Variants in RPS19BP1 observed in about 807,000 individuals in gnomAD.
RPS19BP1 encodes the protein active regulator of SIRT1.
RPS19BP1 carries 14 observed loss-of-function variants against 16.6 expected under a neutral mutation model. The observed-to-expected ratio is 0.84, with a 90% CI of 0.56 to 1.32. RPS19BP1 has a LOEUF of 1.32. Ranked by LOEUF, RPS19BP1 falls within the 40% of genes most tolerant of loss-of-function variation. RPS19BP1 has a pLI of 0.00. For missense variants in RPS19BP1, 188 were observed against 178.6 expected (o/e 1.05, Z -0.30); for synonymous variants, 90 against 77.3 (o/e 1.16, Z -0.86).
chr22:39,532,660 G>A, intron 1 of RPS19BP1, 27 bp downstream of exon 1: 1 of 1,564,784 alleles, frequency 6.4e-7, no homozygotes, highest in Non-Finnish European at 8.6e-7. Context: ...TGCCCGCGCC[G>A]GACGTCCCCT....
Position 39,529,314 on chromosome 22 carries a change from G to A in RPS19BP1, c.*178C>T. On this transcript the variant is annotated 3_prime_UTR_variant, in exon 4 of 4. Coordinates refer to ENST00000334678, the MANE Select transcript of RPS19BP1 (RefSeq NM_194326.4). ...CCGGTCTGTGTGTAAATCCTCCCCA[G>A]GACTTCCGGCCCACCAGCTCCATTC... 1 of 809,878 alleles carries A rather than the reference G, an allele frequency of 1.2e-6. No homozygotes were observed. Among genetic ancestry groups the A allele is most frequent in the Non-Finnish European group, 1.9e-6 (1 of 523,720 alleles). 50.2% of individuals were successfully genotyped at this position (809,878 alleles called of 1,614,324 possible).
intron 2 of RPS19BP1, chr22:39,531,614 CT>C (rs1363301226): frequency 6.6e-6 from 1 of 152,276 alleles, no homozygotes; most frequent in African/African-American, 2.4e-5. Context: ...TATTTTCCAC[CT>C]GCACAATTCT....
At chr22:39,530,125 T>C in intron 2 of RPS19BP1, 2 of 591,744 alleles carry the variant, frequency 3.4e-6, no homozygotes, top group Non-Finnish European at 6.0e-6. Flanking sequence ...CCAACAATTA[T>C]GTCCTGAATA....
Position 39,529,373 on chromosome 22 carries a change from CG to C in RPS19BP1, c.*118del. ...ACTCGGCTCAGCTCCGCGGCTTCCT[CG>C]AGCCAGGCTGGTCCTGCATCGCCAT... On this transcript the variant is annotated 3_prime_UTR_variant, in exon 4 of 4. Coordinates refer to ENST00000334678, the MANE Select transcript of RPS19BP1 (RefSeq NM_194326.4). The C allele has an allele frequency of 1.4e-6, 2 of 1,392,258 alleles. No homozygotes were observed. The highest frequency in any genetic ancestry group is 1.9e-6 in the Non-Finnish European group (2 of 1,026,458). The allele number at this position is 1,392,258 out of a possible 1,614,324, so 86.2% of individuals were successfully genotyped here.
At position 39,530,001 on chromosome 22, in the gene RPS19BP1, G is replaced by T. The variant is rs1377799000; in HGVS notation, c.182-84C>A. 3.6e-6 allele frequency: 4 copies of T among 1,117,674 alleles called. No homozygotes were observed. The East Asian group carries it at 9.6e-5, about 27-fold the overall frequency. The allele number at this position is 1,117,674 out of a possible 1,614,324, so 69.2% of individuals were successfully genotyped here. The stretch of plus-strand genomic sequence containing the variant: ...GTCCCTGGCCCATGGCCCTGCCAAA[G>T]ACCTCATCGTTCCCTTCCCAGGTTA... On this transcript the variant is annotated intron_variant, in intron 2 of 3. Transcript: ENST00000334678.
At chr22:39,532,185 C>G in intron 2 of RPS19BP1, 1 of 600,664 alleles carries the variant, frequency 1.7e-6, no homozygotes, top group Admixed American at 3.2e-5. Flanking sequence ...TTCTTTGATG[C>G]TTCTCTCCCC....
chr22:39,532,638 C>T, intron 1 of RPS19BP1, 49 bp downstream of exon 1: 1 of 1,587,660 alleles, frequency 6.3e-7, no homozygotes, highest in South Asian at 1.1e-5. Context: ...CCCGCAGCCA[C>T]TACCATCCTC....
rs377582766 is a variant in RPS19BP1 at position 39,529,476 on chromosome 22, G to C, written c.*16C>G. 1 of 1,613,816 alleles carries C rather than the reference G, an allele frequency of 6.2e-7. No homozygotes were observed. Among genetic ancestry groups the C allele is most frequent in the South Asian group, 1.1e-5 (1 of 91,010 alleles). ...TGCAGGGCTTGAAGGCCTCTTCACC[G>C]TGCCCTCCAGGGAGCCTAGCTGCCG... On this transcript the variant is annotated 3_prime_UTR_variant, in exon 4 of 4. Coordinates refer to ENST00000334678, the MANE Select transcript of RPS19BP1 (RefSeq NM_194326.4).
In RPS19BP1 at chr22:39,529,809, C is replaced by T; in HGVS notation, c.279+11G>A. 3.7e-6 allele frequency: 6 copies of T among 1,613,630 alleles called. No individual in the cohort carries two copies. The highest frequency in any genetic ancestry group is 2.2e-5 in the East Asian group (1 of 44,876). On this transcript the variant is annotated intron_variant, in intron 3 of 3. Coordinates refer to ENST00000334678, the MANE Select transcript of RPS19BP1 (RefSeq NM_194326.4). ...CCTCCCAGGTCCCTTCCTATAGTAC[C>T]CTCGACCAACCTGCTGGCTCACAGA...
chr22:39,531,827 G>A (rs191609283), intron 2 of RPS19BP1: 7 of 153,124 alleles, frequency 4.6e-5, no homozygotes, highest in African/African-American at 1.7e-4. Flanking sequence ...GATCAAACGA[G>A]CTTACATTTG....
rs568534669 is a variant in RPS19BP1 at position 39,532,224 on chromosome 22, A to AC, written c.181+170dup. 2.5e-5 allele frequency: 20 copies of AC among 810,388 alleles called. No individual in the cohort carries two copies. In the African/African-American group the frequency reaches 3.0e-4, roughly 12 times the overall value. The allele number at this position is 810,388 out of a possible 1,614,324, so 50.2% of individuals were successfully genotyped here. ...AGGGCCGTAGTCCACGAGGACCAGG[A>AC]CGGTGGCGTGTTCTGTCACCTTCGT... On this transcript the variant is annotated intron_variant, in intron 2 of 3. Transcript: ENST00000334678.
At chr22:39,532,292 G>A (rs1931331588) in intron 2 of RPS19BP1, 103 bp downstream of exon 2, 2 of 1,537,088 alleles carry the variant, frequency 1.3e-6, no homozygotes, top group African/African-American at 1.4e-5. Flanking sequence ...AGTAGGTCTA[G>A]CAATACCGGG....
rs905729935 is a variant in RPS19BP1, at chr22:39,532,513, G to A, written c.63C>T (p.Asp21=). 2 of 1,614,036 alleles carry A rather than the reference G, an allele frequency of 1.2e-6. No individual in the cohort carries two copies. The highest frequency in any genetic ancestry group is 1.3e-5 in the African/African-American group (1 of 75,064). Residue 21 remains aspartate, a synonymous_variant, in exon 2 of 4, where the codon GAC becomes GAT. Coordinates refer to ENST00000334678, the MANE Select transcript of RPS19BP1 (RefSeq NM_194326.4). ...CTCTCGGCTTGGCCTGACCTGGAGG[G>A]TCCCGGGGGGCTGTAGGGGAAGAGA... is the stretch of plus-strand genomic sequence containing the variant. ...ELLAASEAPR[D]PPGQAKPRGA...
Position 39,529,451 on chromosome 22 carries a change from T to C in RPS19BP1, c.*41A>G. 1.2e-6 allele frequency: 2 copies of C among 1,610,960 alleles called. No homozygotes were observed. The highest frequency in any genetic ancestry group is 2.2e-5 in the East Asian group (1 of 44,816). Reference sequence around the variant, plus strand: ...CCTGGAGCCAGCAGGAGTCGGAGGCTGCAGGGCTTGAAGGCCTCTTCACCG... The same window carrying C: ...CCTGGAGCCAGCAGGAGTCGGAGGCCGCAGGGCTTGAAGGCCTCTTCACCG... On this transcript the variant is annotated 3_prime_UTR_variant, in exon 4 of 4. Coordinates refer to ENST00000334678, the MANE Select transcript of RPS19BP1 (RefSeq NM_194326.4).
intron 2 of RPS19BP1, chr22:39,530,138 A>G: frequency 3.5e-6 from 2 of 569,722 alleles, no homozygotes; most frequent in Non-Finnish European, 3.1e-6. Context: ...CCTGAATACT[A>G]CTCACCAAGG....
rs549484958 is a variant in RPS19BP1 at position 39,529,235 on chromosome 22, T to C, written c.*257A>G. 1 of 529,686 alleles carries C rather than the reference T, an allele frequency of 1.9e-6. No homozygotes were observed. The highest frequency in any genetic ancestry group is 3.5e-5 in the East Asian group (1 of 28,662). The allele number at this position is 529,686 out of a possible 1,614,324, so 32.8% of individuals were successfully genotyped here. ...CCTGGGCAAAAGCAAACAAAACAGA[T>C]ACGTTCCTTTCCGGCAGGTGCAGAT... On this transcript the variant is annotated 3_prime_UTR_variant, in exon 4 of 4. Coordinates refer to ENST00000334678, the MANE Select transcript of RPS19BP1 (RefSeq NM_194326.4).
Position 39,532,382 on chromosome 22 carries a change from T to C in RPS19BP1, c.181+13A>G. On this transcript the variant is annotated intron_variant, in intron 2 of 3. Transcript: ENST00000334678. ...CACCGGAGGCAGCACTTTCAGCCCC[T>C]TCCCGAACTTACCCAGTGCCGACTT... 1 of 1,614,116 alleles carries C rather than the reference T, an allele frequency of 6.2e-7. No homozygotes were observed. The highest frequency in any genetic ancestry group is 8.5e-7 in the Non-Finnish European group (1 of 1,179,988).
intron 2 of RPS19BP1, 43 bp downstream of exon 2, chr22:39,532,352 C>T (rs920128488): frequency 1.9e-6 from 3 of 1,613,558 alleles, no homozygotes; most frequent in Non-Finnish European, 2.5e-6. Flanking sequence ...GGGCGCAGGT[C>T]CCAGCACCGG....
rs763931214 is a variant in RPS19BP1, at chr22:39,529,886, G to C, written c.213C>G (p.His71Gln). 1.2e-6 allele frequency: 2 copies of C among 1,614,208 alleles called. No homozygotes were observed. The highest frequency in any genetic ancestry group is 1.7e-6 in the Non-Finnish European group (2 of 1,180,034). ...DEYRKRECRD[H>Q]LRVNLKFLTR... The stretch of plus-strand genomic sequence containing the variant: ...TCAGAAACTTCAGGTTTACTCTGAG[G>C]TGGTCTCGACACTCTCGCTTCCGGT... Residue 71 changes from histidine to glutamine, a missense_variant, in exon 3 of 4, where the codon CAC becomes CAG. Coordinates refer to ENST00000334678, the MANE Select transcript of RPS19BP1 (RefSeq NM_194326.4).
Sources: allele counts gnomAD v4.1 joint callset, GRCh38; gene constraint gnomAD v4.1.1; transcripts MANE v1.5; gene names NCBI Gene and HGNC (gene_info 2026-07-23, HGNC 2026-07-21).